Variants in ARID1B observed in about 807,000 individuals in gnomAD.
ARID1B encodes AT-rich interaction domain 1B, also known as AT-rich interactive domain-containing protein 1B.
Under a neutral mutation model 212.3 loss-of-function variants are expected in ARID1B, and 30 were observed. That is an observed-to-expected ratio of 0.14 (90% confidence interval 0.11 to 0.19). The LOEUF is 0.19. Ranked by LOEUF, ARID1B falls within the 10% of genes least tolerant of loss-of-function variation. The pLI is 1.00. For synonymous variants in ARID1B, 1,402 were observed against 1,301.7 expected (o/e 1.08, Z -1.66); for missense variants, 2,891 against 3,204.0 (o/e 0.90, Z 2.36).
intron 4 of ARID1B, among the ~76,000 whole-genome samples, chr6:157,019,323 TTCAGGAATGG>T (rs1175248067): frequency 6.6e-6 from 1 of 152,160 alleles, no homozygotes; most frequent in Non-Finnish European, 1.5e-5. Flanking sequence ...TAGTCTGTAT[TTCAGGAATGG>T]TCAGATGATG....
intron 1 of ARID1B, among the ~76,000 whole-genome samples, chr6:156,788,695 A>G (rs1352171081): frequency 6.6e-6 from 1 of 152,210 alleles, no homozygotes; most frequent in African/African-American, 2.4e-5. Context: ...CCTTAGCAAA[A>G]TTATAATTTA....
chr6:156,782,998 C>T (rs1779382086), intron 1 of ARID1B, among the ~76,000 whole-genome samples: 1 of 151,092 alleles, frequency 6.6e-6, no homozygotes. Flanking sequence ...TTAGTGGTAG[C>T]CACTCTTTAA....
chr6:157,146,147 C>T (rs1041952128), intron 7 of ARID1B, among the ~76,000 whole-genome samples: 2 of 152,084 alleles, frequency 1.3e-5, no homozygotes, highest in African/African-American at 2.4e-5. Context: ...GCCATTAAGC[C>T]GGTGTCCCCA....
intron 3 of ARID1B, among the ~76,000 whole-genome samples, chr6:156,915,865 C>T (rs1280889918): frequency 1.3e-5 from 2 of 151,294 alleles, no homozygotes; most frequent in Admixed American, 6.6e-5. Context: ...CACTGCACTC[C>T]AGTCTGGGTG....
At chr6:156,787,628 C>G (rs557040425) in intron 1 of ARID1B, among the ~76,000 whole-genome samples, 1 of 144,956 alleles carries the variant, frequency 6.9e-6, no homozygotes, top group Non-Finnish European at 1.5e-5. Context: ...ATAATAAATT[C>G]ACTCTAACTA....
intron 5 of ARID1B, among the ~76,000 whole-genome samples, chr6:157,108,728 C>T (rs1158928546): frequency 1.3e-5 from 2 of 152,138 alleles, no homozygotes; most frequent in Non-Finnish European, 2.9e-5. Context: ...GGTACTAGTA[C>T]TAATTTACTA....
At chr6:156,872,470 C>T (rs916630194) in intron 2 of ARID1B, among the ~76,000 whole-genome samples, 1 of 152,100 alleles carries the variant, frequency 6.6e-6, no homozygotes, top group Non-Finnish European at 1.5e-5. Flanking sequence ...TACAGGCGCG[C>T]ACCACCACGC....
intron 7 of ARID1B, among the ~76,000 whole-genome samples, chr6:157,138,993 G>T (rs963830789): frequency 6.6e-5 from 10 of 152,054 alleles, no homozygotes; most frequent in African/African-American, 2.2e-4. Context: ...AGACGTAAGC[G>T]TGAATTTTTC....
At chr6:157,032,259 G>A (rs1257871892) in intron 4 of ARID1B, among the ~76,000 whole-genome samples, 1 of 152,032 alleles carries the variant, frequency 6.6e-6, no homozygotes. Flanking sequence ...GCATTTTCCC[G>A]TGTTACAAAC....
intron 5 of ARID1B, 71 bp downstream of exon 5, chr6:157,084,976 T>C (rs1243863710): frequency 6.6e-7 from 1 of 1,516,262 alleles, no homozygotes; most frequent in East Asian, 2.3e-5. Context: ...CAACAGTAAC[T>C]CACATTACTT....
Position 157,196,180 on chromosome 6 carries a change from A to G in ARID1B, c.4247A>G (p.Glu1416Gly), listed in dbSNP as rs763740758. ...AATATTGCAGTGCCTGGAAGCAGCG[A>G]GCCCTTTATGACGCAAGGACAGATG... ...GGMRKVPGSS[E>G]PFMTQGQMPN... The change falls in exon 16 of 20, where the codon GAG (glutamate) becomes GGG (glycine). Residue 1416 changes from glutamate to glycine, a missense_variant. This residue lies in a region of ARID1B where 666 missense variants were observed against 873.5 expected (regional missense o/e 0.76). Coordinates refer to ENST00000636930, the MANE Select transcript of ARID1B (RefSeq NM_001374828.1). 12 of 1,612,576 alleles carry G rather than the reference A, an allele frequency of 7.4e-6. No homozygotes were observed. The highest frequency in any genetic ancestry group is 1.0e-5 in the Non-Finnish European group (12 of 1,179,744).
At chr6:156,978,649 ATT>A (rs1777411523) in intron 4 of ARID1B, among the ~76,000 whole-genome samples, 1 of 152,154 alleles carries the variant, frequency 6.6e-6, no homozygotes, top group Non-Finnish European at 1.5e-5. Flanking sequence ...TACAGAAGTT[ATT>A]TTTAGTATGT....
At chr6:156,886,820 A>C (rs1238234927) in intron 2 of ARID1B, among the ~76,000 whole-genome samples, 3 of 152,254 alleles carry the variant, frequency 2.0e-5, no homozygotes, top group Admixed American at 6.5e-5. Context: ...CATTTAAAAC[A>C]ATAGCTCATT....
intron 2 of ARID1B, among the ~76,000 whole-genome samples, chr6:156,829,901 T>C (rs1275526848): frequency 6.6e-6 from 1 of 152,236 alleles, no homozygotes; most frequent in Non-Finnish European, 1.5e-5. Context: ...TCTTAAATTA[T>C]TTCTTCTGTA....
intron 1 of ARID1B, chr6:156,780,308 G>C (rs1338826217): frequency 6.6e-6 from 1 of 152,210 alleles, no homozygotes; most frequent in Non-Finnish European, 1.5e-5. Flanking sequence ...AATCCAGTAA[G>C]ATAGCAGACC....
In ARID1B at chr6:157,167,166, C is replaced by A. The variant is rs763236835; in HGVS notation, c.3216C>A (p.Ala1072=). Residue 1072 remains alanine, a synonymous_variant, in exon 9 of 20, where the codon GCC becomes GCA. Coordinates refer to ENST00000636930, the MANE Select transcript of ARID1B (RefSeq NM_001374828.1). ...CGCCGCCCTACAGCATGGCGCCCGC[C>A]ATGGTGAACAGCTCGGCAGGTAACC... is the stretch of plus-strand genomic sequence containing the variant. ...TQAPPYSMAP[A]MVNSSAASVG... 13 of 1,608,470 alleles carry A rather than the reference C, an allele frequency of 8.1e-6. No individual in the cohort carries two copies. Among genetic ancestry groups the A allele is most frequent in the Non-Finnish European group, 1.1e-5 (13 of 1,179,808 alleles).
chr6:157,161,135 C>T (rs1790902165), intron 8 of ARID1B, among the ~76,000 whole-genome samples: 2 of 152,154 alleles, frequency 1.3e-5, no homozygotes, highest in African/African-American at 2.4e-5. Flanking sequence ...TAGCATGTCT[C>T]CCTGAGCAAA....
At chr6:157,082,613 C>G (rs1410796016) in intron 4 of ARID1B, among the ~76,000 whole-genome samples, 25 of 152,210 alleles carry the variant, frequency 1.6e-4, no homozygotes, top group Admixed American at 1.6e-3. Context: ...CTCACAGGTA[C>G]ACTTGTAGCT....
chr6:156,929,914 CTT>C (rs11347657), intron 3 of ARID1B, among the ~76,000 whole-genome samples: 1 of 147,646 alleles, frequency 6.8e-6, no homozygotes, highest in African/African-American at 2.5e-5. Flanking sequence ...CTCTTAAATT[CTT>C]TTTTTTTTTG....
Sources: allele counts gnomAD v4.1 joint callset (sites outside exome capture counted in the v4.1 genomes callset), GRCh38; gene constraint gnomAD v4.1.1; regional missense constraint gnomAD v4.1.1; transcripts MANE v1.5; gene names NCBI Gene and HGNC (gene_info 2026-07-23, HGNC 2026-07-21).